ALKBH2: variants seen among roughly 807,000 people sequenced by gnomAD.
ALKBH2 encodes DNA oxidative demethylase ALKBH2.
A neutral mutation model predicts 19.7 loss-of-function variants in ALKBH2; 19 were observed. The observed-to-expected ratio is 0.97, with a 90% CI of 0.67 to 1.42. The LOEUF (loss-of-function observed/expected upper bound fraction) is 1.42. ALKBH2 is among the 40% of genes most tolerant of loss of function. The pLI is 0.00. For synonymous variants in ALKBH2, 135 were observed against 131.2 expected (o/e 1.03, Z -0.20); for missense variants, 310 against 328.5 (o/e 0.94, Z 0.43).
At chr12:109,093,115 G>A (rs2042090063) in intron 1 of ALKBH2, 132 bp downstream of exon 1, 4 of 264,342 alleles carry the variant, frequency 1.5e-5, no homozygotes, top group Non-Finnish European at 2.8e-5. Flanking sequence ...GAATTCGCAC[G>A]CCACAGCTAA....
chr12:109,091,921 A>G (rs889781606), intron 2 of ALKBH2, among the ~76,000 whole-genome samples: 3 of 152,174 alleles, frequency 2.0e-5, no homozygotes, highest in African/African-American at 4.8e-5. Flanking sequence ...GTGGTTCTCA[A>G]CATGTGCTCC....
rs768321735 is a variant in ALKBH2 at position 109,092,819 on chromosome 12, G to A, written c.-33C>T. 10 of 1,573,186 alleles carry A rather than the reference G, an allele frequency of 6.4e-6. No individual in the cohort carries two copies. Among genetic ancestry groups the A allele is most frequent in the Non-Finnish European group, 2.6e-6 (3 of 1,162,506 alleles). On this transcript the variant is annotated 5_prime_UTR_variant, in exon 2 of 4. Transcript: ENST00000429722. Reference sequence around the variant, plus strand: ...CCACAGGAAAGAAGGGACGTCAGTGGCGAGGCCAAGACAGAAATTGCTCAA... The same window carrying A: ...CCACAGGAAAGAAGGGACGTCAGTGACGAGGCCAAGACAGAAATTGCTCAA...
Position 109,088,619 on chromosome 12 carries a change from C to G in ALKBH2, c.480-107G>C. On this transcript the variant is annotated intron_variant, in intron 3 of 3. Coordinates refer to ENST00000429722, the MANE Select transcript of ALKBH2 (RefSeq NM_001145374.2). This position sits in a 1 kb window ranked among gnomAD's most constrained non-coding sequence, Gnocchi z 4.2. ...CAGTGTGAAACAGCACTCTGCATGG[C>G]TGTACCTGCCGTTGTTTCTGCGAGG... The G allele has an allele frequency of 9.4e-7, 1 of 1,060,446 alleles. No homozygotes were observed. The highest frequency in any genetic ancestry group is 2.6e-5 in the East Asian group (1 of 39,202). The allele number at this position is 1,060,446 out of a possible 1,614,324, so 65.7% of individuals were successfully genotyped here.
chr12:109,091,631 G>A (rs1463457465), intron 2 of ALKBH2, among the ~76,000 whole-genome samples: 7 of 152,114 alleles, frequency 4.6e-5, no homozygotes, highest in Admixed American at 1.3e-4. Flanking sequence ...TCTGCCTCCC[G>A]GTTTCAAGTG....
chr12:109,092,303 G>A (rs2042073400), intron 2 of ALKBH2: 2 of 691,836 alleles, frequency 2.9e-6, no homozygotes, highest in Non-Finnish European at 4.2e-6. Context: ...CTAGTAGACA[G>A]GCAATCCAGT....
chr12:109,089,859 A>C, intron 3 of ALKBH2, 150 bp downstream of exon 3: 2 of 762,052 alleles, frequency 2.6e-6, no homozygotes, highest in Non-Finnish European at 4.3e-6. Flanking sequence ...GGATCCAGGA[A>C]GACCGAGTGC....
Position 109,092,498 on chromosome 12 carries a change from T to A in ALKBH2, c.280+9A>T. The A allele has an allele frequency of 6.6e-7, 1 of 1,526,242 alleles. No individual in the cohort carries two copies. Among genetic ancestry groups the A allele is most frequent in the Non-Finnish European group, 8.8e-7 (1 of 1,136,286 alleles). 94.5% of individuals were successfully genotyped at this position (1,526,242 alleles called of 1,614,324 possible). ...GCACACACACACACACACACACCCC[T>A]CTGCTTACCTGTAAAATATTCTACT... On this transcript the variant is annotated intron_variant, in intron 2 of 3. Transcript: ENST00000429722.
In ALKBH2 at chr12:109,088,263, C is replaced by A; in HGVS notation, c.729G>T (p.Lys243Asn). 2.5e-6 allele frequency: 4 copies of A among 1,613,678 alleles called. No individual in the cohort carries two copies. Among genetic ancestry groups the A allele is most frequent in the Non-Finnish European group, 3.4e-6 (4 of 1,179,718 alleles). ...HWYHSLPVRKKVLAPRVNLTF... is the reference protein window; with the variant it reads ...HWYHSLPVRKNVLAPRVNLTF... The stretch of plus-strand genomic sequence containing the variant: ...TCAGATTCACCCGTGGAGCCAGAAC[C>A]TTCTTTCTCACGGGAAGACTGTGGT... Residue 243 changes from lysine to asparagine, a missense_variant, in exon 4 of 4, where the codon AAG (lysine) becomes AAT (asparagine). By Grantham distance (94) the Lys-to-Asn change is moderately conservative (BLOSUM62 0). Transcript: ENST00000429722. The surrounding 1 kb of genome is among the most constrained non-coding windows in gnomAD (Gnocchi z 4.2).
intron 3 of ALKBH2, 63 bp downstream of exon 3, chr12:109,089,946 A>G: frequency 6.3e-7 from 1 of 1,584,518 alleles, no homozygotes; most frequent in Non-Finnish European, 8.7e-7. Flanking sequence ...GTGGAACCCT[A>G]AACACTTCCT....
chr12:109,089,798 G>C lies in ALKBH2; in HGVS notation c.479+211C>G. On this transcript the variant is annotated intron_variant, in intron 3 of 3. Transcript: ENST00000429722. ...GAAGAAGAAATTATCTCATTCAGCT[G>C]TTTGTTCAGGAGTTAATCACCTCTC... The C allele has an allele frequency of 5.2e-6, 3 of 577,486 alleles. No individual in the cohort carries two copies. The East Asian group carries it at 8.5e-5, about 16-fold the overall frequency. 35.8% of individuals were successfully genotyped at this position (577,486 alleles called of 1,614,324 possible).
intron 2 of ALKBH2, 160 bp downstream of exon 2, chr12:109,092,347 G>A: frequency 2.6e-6 from 3 of 1,134,478 alleles, no homozygotes; most frequent in South Asian, 4.9e-5. Context: ...CACCTAAGGG[G>A]CTTAGCCCAG....
chr12:109,092,882 G>C lies in ALKBH2; in HGVS notation c.-96C>G. 1 of 1,508,732 alleles carries C rather than the reference G, an allele frequency of 6.6e-7. No individual in the cohort carries two copies. The highest frequency in any genetic ancestry group is 8.8e-7 in the Non-Finnish European group (1 of 1,132,060). The allele number at this position is 1,508,732 out of a possible 1,614,324, so 93.5% of individuals were successfully genotyped here. A position where few individuals can be genotyped will look rare whatever the true frequency, so the allele number is the denominator to read the frequency against. ...GTGCAAAAATCTGTTTGTCCAAGGGGTCTCACAGCAACATTCCTAGTTTCA... is the reference window on the plus strand; with the variant it reads ...GTGCAAAAATCTGTTTGTCCAAGGGCTCTCACAGCAACATTCCTAGTTTCA... On this transcript the variant is annotated 5_prime_UTR_variant, in exon 2 of 4. Transcript: ENST00000429722.
At chr12:109,092,357 G>C (rs942666832) in intron 2 of ALKBH2, 150 bp downstream of exon 2, 23 of 1,239,134 alleles carry the variant, frequency 1.9e-5, no homozygotes, top group Non-Finnish European at 2.4e-5. Context: ...GCTTAGCCCA[G>C]AGGTGCTCAG....
chr12:109,088,386 G>A lies in ALKBH2; in HGVS notation c.606C>T (p.Ser202=). 2 of 1,613,876 alleles carry A rather than the reference G, an allele frequency of 1.2e-6. No homozygotes were observed. Among genetic ancestry groups the A allele is most frequent in the Non-Finnish European group, 1.7e-6 (2 of 1,179,998 alleles). The change falls in exon 4 of 4, where the codon TCC becomes TCT. Residue 202 remains serine (S), a synonymous_variant. Transcript: ENST00000429722. The surrounding 1 kb of genome is among the most constrained non-coding windows in gnomAD (Gnocchi z 4.2). ...CRDFVFRHKD[S]RGKSPSRRVA... is the part of the protein sequence containing the mutation. ...CCCTCCTGGAGGGGCTTTTCCCACGGGAATCCTTATGCCGGAAGACAAAGT... is the reference window on the plus strand; with the variant it reads ...CCCTCCTGGAGGGGCTTTTCCCACGAGAATCCTTATGCCGGAAGACAAAGT...
rs2042007909 is a variant in ALKBH2, at chr12:109,088,657, C to T, written c.480-145G>A. 2.9e-6 allele frequency: 2 copies of T among 694,534 alleles called. No homozygotes were observed. The highest frequency in any genetic ancestry group is 4.7e-6 in the Non-Finnish European group (2 of 424,628). The allele number at this position is 694,534 out of a possible 1,614,324, so 43.0% of individuals were successfully genotyped here. A position where few individuals can be genotyped will look rare whatever the true frequency, so the allele number is the denominator to read the frequency against. On this transcript the variant is annotated intron_variant, in intron 3 of 3. Transcript: ENST00000429722. This position sits in a 1 kb window ranked among gnomAD's most constrained non-coding sequence, Gnocchi z 4.2. ...TGTTTCTGCGAGGGCTTGAGGTCCA[C>T]AGTGGGCTCTAAGATAAGCCAACGC...
rs955757776 is a variant in ALKBH2 at position 109,090,101 on chromosome 12, C to T, written c.387G>A (p.Leu129=). ...GAACTGGGATCCAGGGCTTTGGAGA[C>T]AGCGTGAGGCCTGAAAATGTGTAGG... ...GLTYTFSGLT[L]SPKPWIPVLE... is the part of the protein sequence containing the mutation. The change falls in exon 3 of 4, where the codon CTG becomes CTA. Residue 129 remains leucine (L), a synonymous_variant. Transcript: ENST00000429722. 1 of 1,614,062 alleles carries T rather than the reference C, an allele frequency of 6.2e-7. No homozygotes were observed. Among genetic ancestry groups the T allele is most frequent in the African/African-American group, 1.3e-5 (1 of 74,914 alleles).
In ALKBH2 at chr12:109,092,631, T is replaced by A. The variant is rs1448248816; in HGVS notation, c.156A>T (p.Ser52=). The part of the protein sequence containing the change: ...RREAPGNGGH[S]AGPSWRHIRA... The stretch of plus-strand genomic sequence containing the variant: ...GAATGTGCCGCCAGCTAGGGCCTGC[T>A]GAGTGGCCTCCATTCCCTGGGGCCT... Residue 52 remains serine, a synonymous_variant, in exon 2 of 4, where the codon TCA becomes TCT. Coordinates refer to ENST00000429722, the MANE Select transcript of ALKBH2 (RefSeq NM_001145374.2). The A allele has an allele frequency of 3.1e-6, 5 of 1,614,236 alleles. No homozygotes were observed. Among genetic ancestry groups the A allele is most frequent in the Non-Finnish European group, 4.2e-6 (5 of 1,180,042 alleles).
At chr12:109,092,473 G>GCGCA (rs145676752) in intron 2 of ALKBH2, 34 bp downstream of exon 2, 6 of 1,363,300 alleles carry the variant, frequency 4.4e-6, no homozygotes, top group African/African-American at 4.4e-5. Context: ...AGCCCTCAAT[G>GCGCA]CACACACACA....
Position 109,088,237 on chromosome 12 carries a change from G to A in ALKBH2, c.755C>T (p.Thr252Ile), listed in dbSNP as rs772761909. 4 of 1,597,808 alleles carry A rather than the reference G, an allele frequency of 2.5e-6. No homozygotes were observed. Among genetic ancestry groups the A allele is most frequent in the East Asian group, 2.2e-5 (1 of 44,660 alleles). The change falls in exon 4 of 4, where the codon ACT becomes ATT. Residue 252 changes from threonine to isoleucine, a missense_variant. Coordinates refer to ENST00000429722, the MANE Select transcript of ALKBH2 (RefSeq NM_001145374.2). This position sits in a 1 kb window ranked among gnomAD's most constrained non-coding sequence, Gnocchi z 4.2. ...TTTAGTAAGCAAAATTTTACGAAAA[G>A]TCAGATTCACCCGTGGAGCCAGAAC... is the stretch of plus-strand genomic sequence containing the variant. ...KKVLAPRVNL[T>I]FRKILLTKK
Sources: gnomAD v4.1 joint callset for allele counts (sites outside exome capture counted in the v4.1 genomes callset) on GRCh38, gnomAD v4.1.1 for gene constraint, Gnocchi (gnomAD v3.1) non-coding constraint, MANE v1.5 for transcripts, NCBI Gene and HGNC (gene_info 2026-07-23, HGNC 2026-07-21) for gene names.